The following PLEKHH1 variants were observed in gnomAD, a reference collection of about 807,000 sequenced individuals.
PLEKHH1 encodes the protein pleckstrin homology, MyTH4 and FERM domain containing H1, also known as pleckstrin homology domain-containing family H member 1.
PLEKHH1 carries 104 observed loss-of-function variants against 160.0 expected under a neutral mutation model. The ratio of observed to expected loss-of-function variants is 0.65; its 90% CI spans 0.55 to 0.76. PLEKHH1 has a LOEUF of 0.76. PLEKHH1 is among the 30% of genes least tolerant of loss of function. PLEKHH1 has a pLI of 0.00. For missense variants in PLEKHH1, 1,427 were observed against 1,724.1 expected (o/e 0.83, Z 3.05); for synonymous variants, 619 against 678.4 (o/e 0.91, Z 1.36).
At chr14:67,544,377 C>A (rs970375903) in intron 2 of PLEKHH1, among the ~76,000 whole-genome samples, 1 of 152,088 alleles carries the variant, frequency 6.6e-6, no homozygotes, top group Non-Finnish European at 1.5e-5. Context: ...CTGGTAGGGA[C>A]AGAAACAAAA....
intron 23 of PLEKHH1, 105 bp downstream of exon 23, chr14:67,581,143 CACAGATATA>C: frequency 1.4e-6 from 1 of 733,910 alleles, no homozygotes; most frequent in Non-Finnish European, 2.4e-6. Flanking sequence ...GGGAGGGACC[CACAGATATA>C]ACACTGCCTG....
intron 4 of PLEKHH1, among the ~76,000 whole-genome samples, chr14:67,558,644 G>A (rs10873207): frequency 0.052 from 7,842 of 152,246 alleles, 255 homozygotes; most frequent in Middle Eastern, 0.078. Flanking sequence ...AAAAGAAAAG[G>A]CACTGTTTTG....
intron 26 of PLEKHH1, among the ~76,000 whole-genome samples, chr14:67,584,901 A>C (rs931270349): frequency 1.2e-4 from 19 of 152,230 alleles, no homozygotes; most frequent in African/African-American, 4.1e-4. Context: ...GGCATATAAC[A>C]GGGACCCACT....
intron 1 of PLEKHH1, chr14:67,533,644 G>C (rs2033565126): frequency 6.6e-6 from 1 of 152,130 alleles, no homozygotes; most frequent in South Asian, 2.1e-4. Flanking sequence ...ACCTGGACTT[G>C]GGGATCGGTC....
At chr14:67,577,116 T>G (rs2035655105) in intron 17 of PLEKHH1, among the ~76,000 whole-genome samples, 186 bp from the exon 18 acceptor site, 1 of 152,224 alleles carries the variant, frequency 6.6e-6, no homozygotes, top group Non-Finnish European at 1.5e-5. Context: ...CATGCTTATA[T>G]GAGGGTGCTC....
chr14:67,546,992 C>A (rs1409051130), intron 2 of PLEKHH1, among the ~76,000 whole-genome samples: 3 of 152,152 alleles, frequency 2.0e-5, no homozygotes, highest in Non-Finnish European at 2.9e-5. Context: ...GCCTTAACCA[C>A]CTTATAAACA....
intron 2 of PLEKHH1, among the ~76,000 whole-genome samples, chr14:67,549,920 C>T (rs935754922): frequency 2.6e-5 from 4 of 152,208 alleles, no homozygotes; most frequent in Admixed American, 6.5e-5. Context: ...GTGATTCTTA[C>T]GCCCTTGAAA....
In PLEKHH1 at chr14:67,562,433, C is replaced by T; in HGVS notation, c.802C>T (p.Pro268Ser). ...GGGAAGAGAGAGCCCTCCCCACCAGCCATGCATGAAGCTTCTTACCTTCAG... is the reference window on the plus strand; with the variant it reads ...GGGAAGAGAGAGCCCTCCCCACCAGTCATGCATGAAGCTTCTTACCTTCAG... The part of the protein sequence containing the change: ...HLGRESPPHQ[P>S]CMKLLTFRCS... The change falls in exon 7 of 29, where the codon CCA (proline) becomes TCA (serine). Residue 268 changes from proline to serine, a missense_variant. Transcript: ENST00000329153. 2 of 1,613,826 alleles carry T rather than the reference C, an allele frequency of 1.2e-6. No individual in the cohort carries two copies. The highest frequency in any genetic ancestry group is 1.7e-6 in the Non-Finnish European group (2 of 1,179,720).
chr14:67,576,521 A>AACCCAAGCAGTGGTGG lies in PLEKHH1; in HGVS notation c.2461+18_2461+19insACCCAAGCAGTGGTGG. The AACCCAAGCAGTGGTGG allele has an allele frequency of 7.9e-7, 1 of 1,273,574 alleles. No homozygotes were observed. Among genetic ancestry groups the AACCCAAGCAGTGGTGG allele is most frequent in the Non-Finnish European group, 1.1e-6 (1 of 869,986 alleles). The allele number at this position is 1,273,574 out of a possible 1,614,324, so 78.9% of individuals were successfully genotyped here. On this transcript the variant is annotated intron_variant, in intron 17 of 28. Coordinates refer to ENST00000329153, the MANE Select transcript of PLEKHH1 (RefSeq NM_020715.3). The surrounding 1 kb of genome is among the most constrained non-coding windows in gnomAD (Gnocchi z 4.0). ...AGATCCAGGTAAGGCAAGGGTGGCC[A>AACCCAAGCAGTGGTGG]CCACTGCTTGGGTTGGAGGGTAGTG...
chr14:67,535,578 C>T (rs2033681502), intron 1 of PLEKHH1, among the ~76,000 whole-genome samples: 1 of 151,998 alleles, frequency 6.6e-6, no homozygotes, highest in South Asian at 2.1e-4. Flanking sequence ...GACAGGGTTT[C>T]ACCATGTTGG....
rs1461777781 is a variant in PLEKHH1 at position 67,574,644 on chromosome 14, G to A, written c.2088+241G>A. On this transcript the variant is annotated intron_variant, in intron 14 of 28. Transcript: ENST00000329153. This position sits in a 1 kb window ranked among gnomAD's most constrained non-coding sequence, Gnocchi z 4.2. ...CTATTCTCAAGAAAGAGAAGGGAAG[G>A]GACTATCTTGTATCCATTTTGAGGT... 6.6e-6 allele frequency among the ~76,000 whole-genome samples: 1 copy of A among 152,146 alleles called. No individual in the cohort carries two copies. The highest frequency in any genetic ancestry group is 1.5e-5 in the Non-Finnish European group (1 of 68,032).
chr14:67,569,612 G>A, intron 8 of PLEKHH1: 1 of 469,278 alleles, frequency 2.1e-6, no homozygotes, highest in Non-Finnish European at 3.9e-6. Context: ...GAGGGCTGTG[G>A]GGTGGTCCCA....
Position 67,578,517 on chromosome 14 carries a change from G to C in PLEKHH1, c.2752-17G>C, listed in dbSNP as rs372851864. 265 of 1,578,600 alleles carry C rather than the reference G, an allele frequency of 1.7e-4. No individual in the cohort carries two copies. The highest frequency in any genetic ancestry group is 2.2e-4 in the Non-Finnish European group (251 of 1,153,040). On this transcript the variant is annotated splice_polypyrimidine_tract_variant and intron_variant, in intron 19 of 28. Coordinates refer to ENST00000329153, the MANE Select transcript of PLEKHH1 (RefSeq NM_020715.3). This position sits in a 1 kb window ranked among gnomAD's most constrained non-coding sequence, Gnocchi z 5.0. Reference sequence around the variant, plus strand: ...GTAGGCCCAGCACTCACCCCACGCTGTCTGTGTCCCTGGCAGTGCTGGCAG... The same window carrying C: ...GTAGGCCCAGCACTCACCCCACGCTCTCTGTGTCCCTGGCAGTGCTGGCAG...
intron 2 of PLEKHH1, among the ~76,000 whole-genome samples, chr14:67,542,676 CTATTTTATTT>C (rs202136535): frequency 1.2e-3 from 180 of 151,870 alleles, no homozygotes; most frequent in Admixed American, 2.0e-3. Context: ...AGATAACATT[CTATTTTATTT>C]TATTTTATTT....
chr14:67,581,039 GT>G lies in PLEKHH1; in HGVS notation c.3284+2del. The G allele has an allele frequency of 6.3e-7, 1 of 1,599,360 alleles. No individual in the cohort carries two copies. The highest frequency in any genetic ancestry group is 8.6e-7 in the Non-Finnish European group (1 of 1,166,566). On this transcript the variant is annotated splice_donor_variant, in intron 23 of 28. Coordinates refer to ENST00000329153, the MANE Select transcript of PLEKHH1 (RefSeq NM_020715.3). LOFTEE classifies it high-confidence loss of function. The stretch of plus-strand genomic sequence containing the variant: ...TCGTGAAGCTGATGTACAAGAACAG[GT>G]CCTAAGCACTGCACGAGGGTGGGGC...
intron 2 of PLEKHH1, among the ~76,000 whole-genome samples, chr14:67,544,623 CAA>C (rs1209029236): frequency 3.3e-5 from 5 of 152,030 alleles, no homozygotes; most frequent in African/African-American, 1.2e-4. Context: ...GAAGACGTAA[CAA>C]AGAAAATGAA....
At chr14:67,561,930 ATCT>A (rs1288643409) in intron 5 of PLEKHH1, 21 bp from the exon 6 acceptor site, 1 of 1,586,484 alleles carries the variant, frequency 6.3e-7, no homozygotes, top group East Asian at 2.2e-5. Context: ...GGTGTCCTAA[ATCT>A]TCATTTTTCT....
Position 67,579,116 on chromosome 14 carries a change from C to T in PLEKHH1, c.2850-18C>T, listed in dbSNP as rs1826489108. Reference sequence around the variant, plus strand: ...AGATGAGCAGAGCCCATAATACTCCCCTCTTCCGTCTTTTTAGAAGTGAAA... The same window carrying T: ...AGATGAGCAGAGCCCATAATACTCCTCTCTTCCGTCTTTTTAGAAGTGAAA... On this transcript the variant is annotated intron_variant, in intron 20 of 28. Transcript: ENST00000329153. The T allele has an allele frequency of 1.5e-6, 2 of 1,357,954 alleles. No homozygotes were observed. The highest frequency in any genetic ancestry group is 2.0e-6 in the Non-Finnish European group (2 of 998,212). 84.1% of individuals were successfully genotyped at this position (1,357,954 alleles called of 1,614,324 possible).
intron 4 of PLEKHH1, among the ~76,000 whole-genome samples, chr14:67,558,884 A>G (rs1377549271): frequency 6.6e-6 from 1 of 152,246 alleles, no homozygotes; most frequent in Admixed American, 6.5e-5. Flanking sequence ...GCAGCCACAG[A>G]TAATACGTAA....
Sources: allele counts gnomAD v4.1 joint callset (sites outside exome capture counted in the v4.1 genomes callset), GRCh38; gene constraint gnomAD v4.1.1; non-coding constraint Gnocchi (gnomAD v3.1); transcripts MANE v1.5; gene names NCBI Gene and HGNC (gene_info 2026-07-23, HGNC 2026-07-21).